The following HSPD1 variants were observed in gnomAD, a reference collection of about 807,000 sequenced individuals.
HSPD1 encodes 60 kDa heat shock protein, mitochondrial.
A neutral mutation model predicts 53.0 loss-of-function variants in HSPD1; 3 were observed. That is an observed-to-expected ratio of 0.06 (90% CI 0.03 to 0.15). HSPD1 has a LOEUF of 0.15. Among genes scored for constraint, HSPD1 ranks in the 10% least tolerant of loss-of-function variants. HSPD1 has a pLI of 1.00. For missense variants in HSPD1, 431 were observed against 694.1 expected (o/e 0.62, Z 4.26); for synonymous variants, 200 against 228.0 (o/e 0.88, Z 1.10).
upstream of HSPD1, chr2:197,500,124 C>T: frequency 2.1e-6 from 1 of 473,248 alleles, no homozygotes; most frequent in South Asian, 2.7e-5. Context: ...CAAATCGCGT[C>T]ATTTCCGGGA....
Position 197,487,937 on chromosome 2 carries a change from C to A in HSPD1, c.1490G>T (p.Ser497Ile). The change falls in exon 11 of 12, where the codon AGT (serine) becomes ATT (isoleucine). Residue 497 changes from serine (S) to isoleucine (I), a missense_variant. This residue lies in a region of HSPD1 where 386 missense variants were observed against 657.6 expected (regional missense o/e 0.59). Coordinates refer to ENST00000388968, the MANE Select transcript of HSPD1 (RefSeq NM_002156.5). The part of the protein sequence containing the change: ...GSLIVEKIMQ[S>I]SSEVGYDAMA... ...AGCATCATAACCAACTTCTGAGGAA[C>A]TTTGCATAATTTTCTCAACTATCAA... 1 of 1,613,530 alleles carries A rather than the reference C, an allele frequency of 6.2e-7. No homozygotes were observed. The highest frequency in any genetic ancestry group is 8.5e-7 in the Non-Finnish European group (1 of 1,179,458).
intron 7 of HSPD1, among the ~76,000 whole-genome samples, chr2:197,491,845 A>T (rs1053221801): frequency 3.3e-5 from 5 of 152,226 alleles, no homozygotes; most frequent in African/African-American, 1.2e-4. Context: ...AACAGACTAA[A>T]TACTTGATCA....
Position 197,495,283 on chromosome 2 carries a change from TAA to T in HSPD1, c.510+9_510+10del. ...TTTTTTTAAAAAACGTGTAACATGT[TAA>T]GTCCTTACCTGTGCAATTTCTTCAG... On this transcript the variant is annotated intron_variant, in intron 4 of 11. Coordinates refer to ENST00000388968, the MANE Select transcript of HSPD1 (RefSeq NM_002156.5). 6.4e-7 allele frequency: 1 copy of T among 1,554,634 alleles called. No homozygotes were observed. The highest frequency in any genetic ancestry group is 8.9e-7 in the Non-Finnish European group (1 of 1,126,408).
At chr2:197,496,709 G>A (rs1325445634) in intron 3 of HSPD1, among the ~76,000 whole-genome samples, 1 of 152,170 alleles carries the variant, frequency 6.6e-6, no homozygotes, top group Non-Finnish European at 1.5e-5. Flanking sequence ...AAAATAAACT[G>A]AGGAAAACAT....
At chr2:197,494,843 A>T in intron 4 of HSPD1, 91 bp from the exon 5 acceptor site, 1 of 839,002 alleles carries the variant, frequency 1.2e-6, no homozygotes, top group East Asian at 2.5e-5. Flanking sequence ...TTCCAAATTG[A>T]TACTTCCATC....
At chr2:197,492,843 C>G (rs2086111375) in intron 7 of HSPD1, among the ~76,000 whole-genome samples, 1 of 151,878 alleles carries the variant, frequency 6.6e-6, no homozygotes, top group Non-Finnish European at 1.5e-5. Context: ...AACCCTGTCT[C>G]TACTAAAAAT....
In HSPD1 at chr2:197,490,308, A is replaced by G; in HGVS notation, c.870-12T>C. 6.3e-7 allele frequency: 1 copy of G among 1,587,272 alleles called. No individual in the cohort carries two copies. The highest frequency in any genetic ancestry group is 8.7e-7 in the Non-Finnish European group (1 of 1,155,536). On this transcript the variant is annotated splice_polypyrimidine_tract_variant and intron_variant, in intron 7 of 11. Coordinates refer to ENST00000388968, the MANE Select transcript of HSPD1 (RefSeq NM_002156.5). ...GACCAACCTTTAGCCTGTTAAGAAT[A>G]GTTGATAGTAAGATTTAAATGAAAT...
At position 197,497,330 on chromosome 2, in the gene HSPD1, A is replaced by C; in HGVS notation, c.237T>G (p.Thr79=). The C allele has an allele frequency of 1.2e-6, 2 of 1,613,168 alleles. No homozygotes were observed. The highest frequency in any genetic ancestry group is 4.5e-5 in the East Asian group (2 of 44,888). The change falls in exon 3 of 12, where the codon ACT becomes ACG. Residue 79 remains threonine (T), a synonymous_variant. Transcript: ENST00000388968. Reference sequence around the variant, plus strand: ...CTTTTAAGTCAATTGACTTTGCAACAGTCACACCATCTTTTGTTACTTTGG... The same window carrying C: ...CTTTTAAGTCAATTGACTTTGCAACCGTCACACCATCTTTTGTTACTTTGG... ...GSPKVTKDGV[T]VAKSIDLKDK... is the part of the protein sequence containing the mutation.
chr2:197,489,367 T>C, intron 8 of HSPD1, 120 bp from the exon 9 acceptor site: 2 of 1,063,568 alleles, frequency 1.9e-6, no homozygotes, highest in Non-Finnish European at 2.8e-6. Context: ...AATGAGAGAT[T>C]TTAAGATCAC....
chr2:197,488,925 T>C, intron 9 of HSPD1, 77 bp downstream of exon 9: 12 of 1,381,652 alleles, frequency 8.7e-6, no homozygotes, highest in Non-Finnish European at 1.2e-5. Context: ...TCTATGGTAC[T>C]ACTGGGGAAT....
Position 197,489,149 on chromosome 2 carries a change from C to G in HSPD1, c.1068G>C (p.Met356Ile), listed in dbSNP as rs764997042. 1 of 1,614,136 alleles carries G rather than the reference C, an allele frequency of 6.2e-7. No individual in the cohort carries two copies. Among genetic ancestry groups the G allele is most frequent in the East Asian group, 2.2e-5 (1 of 44,888 alleles). ...CCTTGTCACCTTTTCCTTTTAAGAG[C>G]ATGGCATCGTCTTTGGTCACAATGA... ...GEVIVTKDDA[M>I]LLKGKGDKAQ... Residue 356 changes from methionine (M) to isoleucine (I), a missense_variant, in exon 9 of 12, where the codon ATG (methionine) becomes ATC (isoleucine). By Grantham distance (10) the Met-to-Ile change is conservative. Coordinates refer to ENST00000388968, the MANE Select transcript of HSPD1 (RefSeq NM_002156.5).
At position 197,488,365 on chromosome 2, in the gene HSPD1, T is replaced by A; in HGVS notation, c.1342A>T (p.Ile448Phe). Residue 448 changes from isoleucine (I) to phenylalanine (F), a missense_variant, in exon 10 of 12, where the codon ATT becomes TTT. This residue lies in a region of HSPD1 where 386 missense variants were observed against 657.6 expected (regional missense o/e 0.59). Coordinates refer to ENST00000388968, the MANE Select transcript of HSPD1 (RefSeq NM_002156.5). ...LGGGCALLRC[I>F]PALDSLTPAN... ...GGAGTCAATGAGTCCAAGGCTGGAA[T>A]GCATCGAAGGAGGGCACAACCCCCT... 1 of 1,614,006 alleles carries A rather than the reference T, an allele frequency of 6.2e-7. No homozygotes were observed. The highest frequency in any genetic ancestry group is 8.5e-7 in the Non-Finnish European group (1 of 1,179,864).
In HSPD1 at chr2:197,498,655, T is replaced by G; in HGVS notation, c.174+20A>C. 2 of 1,606,560 alleles carry G rather than the reference T, an allele frequency of 1.2e-6. No individual in the cohort carries two copies. The highest frequency in any genetic ancestry group is 1.7e-6 in the Non-Finnish European group (2 of 1,173,324). The stretch of plus-strand genomic sequence containing the variant: ...GCTATTAATAATACCGTAATTACAA[T>G]AAAATAAAAATACTGGTACCTTTGG... On this transcript the variant is annotated intron_variant, in intron 2 of 11. Coordinates refer to ENST00000388968, the MANE Select transcript of HSPD1 (RefSeq NM_002156.5).
At chr2:197,497,569 G>C in intron 2 of HSPD1, 177 bp from the exon 3 acceptor site, 1 of 643,198 alleles carries the variant, frequency 1.6e-6, no homozygotes, top group African/African-American at 1.8e-5. Context: ...TTTGTCTACA[G>C]ACAAAATGAC....
intron 6 of HSPD1, among the ~76,000 whole-genome samples, chr2:197,493,707 A>G (rs2086121641): frequency 6.6e-6 from 1 of 152,242 alleles, no homozygotes; most frequent in Admixed American, 6.5e-5. Context: ...ATTAGAAAGT[A>G]TATTTTAAAA....
upstream of HSPD1, chr2:197,499,935 C>T (rs1293792424): frequency 6.4e-6 from 1 of 155,124 alleles, no homozygotes; most frequent in Non-Finnish European, 1.4e-5. Flanking sequence ...AGCTCCCACC[C>T]ACTTCCCGTC....
At chr2:197,492,628 C>T (rs776792729) in intron 7 of HSPD1, among the ~76,000 whole-genome samples, 25 of 151,784 alleles carry the variant, frequency 1.6e-4, no homozygotes, top group African/African-American at 9.7e-5. Flanking sequence ...ACTTGAACCC[C>T]GGAGGCTTGA....
chr2:197,487,630 C>T (rs2086042618), intron 11 of HSPD1, among the ~76,000 whole-genome samples: 2 of 152,192 alleles, frequency 1.3e-5, no homozygotes, highest in Admixed American at 1.3e-4. Flanking sequence ...TTCCTGCCTC[C>T]AGGCATGGAC....
intron 2 of HSPD1, 48 bp from the exon 3 acceptor site, chr2:197,497,440 T>G (rs150400489): frequency 1.3e-6 from 2 of 1,593,966 alleles, no homozygotes; most frequent in African/African-American, 2.7e-5. Context: ...AAGGATGATT[T>G]ACATTTTTAA....
Sources: allele counts gnomAD v4.1 joint callset (sites outside exome capture counted in the v4.1 genomes callset), GRCh38; gene constraint gnomAD v4.1.1; regional missense constraint gnomAD v4.1.1; transcripts MANE v1.5; gene names NCBI Gene and HGNC (gene_info 2026-07-23, HGNC 2026-07-21).